Variants in GALNT7 observed in about 807,000 individuals in gnomAD.
GALNT7 encodes the protein polypeptide N-acetylgalactosaminyltransferase 7.
In GALNT7, 60 loss-of-function variants were observed where a neutral mutation model predicts 82.1. That is an observed-to-expected ratio of 0.73 (90% CI 0.59 to 0.91). GALNT7 has a LOEUF of 0.91. GALNT7 is among the 40% of genes least tolerant of loss of function. The pLI is 0.00. For missense variants in GALNT7, 660 were observed against 804.2 expected, an observed-to-expected ratio of 0.82 and a Z score of 2.17; for synonymous variants, 243 against 275.1, an observed-to-expected ratio of 0.88 and a Z score of 1.15.
intron 2 of GALNT7, among the ~76,000 whole-genome samples, chr4:173,282,987 A>G (rs1378652711): frequency 6.6e-6 from 1 of 152,158 alleles, no homozygotes; most frequent in Non-Finnish European, 1.5e-5. Context: ...GAACTAGAAT[A>G]TTGTTCCAGA....
At chr4:173,240,357 ATTTTTTTTTTTTTTTTT>A (rs869162691) in intron 1 of GALNT7, among the ~76,000 whole-genome samples, 1 of 104,142 alleles carries the variant, frequency 9.6e-6, no homozygotes, top group African/African-American at 4.1e-5. Context: ...ACACTGGCTA[ATTTTTTTTTTTTTTTTT>A]TTTTTTTTTT....
intron 1 of GALNT7, 46 bp from the exon 2 acceptor site, chr4:173,247,934 G>A (rs1232741421): frequency 1.6e-6 from 2 of 1,262,424 alleles, no homozygotes; most frequent in East Asian, 2.3e-5. Context: ...CTACTGTGGT[G>A]GTTTGCCTTC....
Position 173,247,963 on chromosome 4 carries a change from C to T in GALNT7, c.127-17C>T, listed in dbSNP as rs1734707189. ...TGCCTTCATGTACTCATTGTATATC[C>T]CCTCCCTTTTGTATAGGAAGACAGA... On this transcript the variant is annotated splice_polypyrimidine_tract_variant and intron_variant, in intron 1 of 11. Transcript: ENST00000265000. 1.9e-6 allele frequency: 3 copies of T among 1,547,202 alleles called. No homozygotes were observed. Among genetic ancestry groups the T allele is most frequent in the Non-Finnish European group, 1.8e-6 (2 of 1,125,256 alleles).
intron 6 of GALNT7, among the ~76,000 whole-genome samples, chr4:173,299,715 G>A (rs186529452): frequency 6.6e-6 from 1 of 152,108 alleles, no homozygotes; most frequent in East Asian, 1.9e-4. Context: ...GCGTGGTGGT[G>A]TGTGCCTGTA....
At chr4:173,219,372 C>T (rs978087293) in intron 1 of GALNT7, among the ~76,000 whole-genome samples, 3 of 152,076 alleles carry the variant, frequency 2.0e-5, no homozygotes, top group East Asian at 1.9e-4. Context: ...ATACATACCA[C>T]GGTTTCTTTA....
intron 1 of GALNT7, among the ~76,000 whole-genome samples, chr4:173,170,133 C>A (rs373597799): frequency 3.9e-5 from 6 of 152,268 alleles, no homozygotes; most frequent in South Asian, 2.1e-4. Flanking sequence ...TGACCTGCTT[C>A]CCCCCGGATG....
In GALNT7 at chr4:173,203,826, TTAAA is replaced by T. The variant is rs140630503; in HGVS notation, c.126+34869_126+34872del. 7.9e-3 allele frequency among the ~76,000 whole-genome samples: 1,205 copies of T among 152,348 alleles called. 12 individuals carry two copies. The highest frequency in any genetic ancestry group is 0.028 in the African/African-American group (1,162 of 41,572). ...CAACAAATTACATTGTAGCTATTAT[TTAAA>T]TAATTTATATTTTAACCTTCATACT... On this transcript the variant is annotated intron_variant, in intron 1 of 11. Coordinates refer to ENST00000265000, the MANE Select transcript of GALNT7 (RefSeq NM_017423.3).
rs1303481179 is a variant in GALNT7 at position 173,175,405 on chromosome 4, C to T, written c.126+6444C>T. Among the ~76,000 whole-genome samples the T allele has an allele frequency of 3.9e-5, 6 of 152,268 alleles. No individual in the cohort carries two copies. The South Asian group carries it at 1.2e-3, about 32-fold the overall frequency. Reference sequence around the variant, plus strand: ...GGTATAGAGAGGTGAACTCTTTGTCCAAGTTTATTCACTTAATTAATTGTA... The same window carrying T: ...GGTATAGAGAGGTGAACTCTTTGTCTAAGTTTATTCACTTAATTAATTGTA... On this transcript the variant is annotated intron_variant, in intron 1 of 11. Transcript: ENST00000265000.
chr4:173,198,481 T>C (rs1732848868), intron 1 of GALNT7, among the ~76,000 whole-genome samples: 2 of 152,148 alleles, frequency 1.3e-5, no homozygotes, highest in Non-Finnish European at 2.9e-5. Flanking sequence ...AGAGTGTCCT[T>C]CTGTGAGGAG....
At chr4:173,181,111 G>T (rs757009475) in intron 1 of GALNT7, among the ~76,000 whole-genome samples, 15 of 152,176 alleles carry the variant, frequency 9.9e-5, no homozygotes, top group Non-Finnish European at 1.9e-4. Context: ...TAATGGAATA[G>T]AAATGACTGA....
chr4:173,180,826 T>C (rs965052656), intron 1 of GALNT7, among the ~76,000 whole-genome samples: 2 of 152,242 alleles, frequency 1.3e-5, no homozygotes, highest in African/African-American at 4.8e-5. Flanking sequence ...TGCCATGCAA[T>C]TTTTATTAGA....
chr4:173,234,292 T>C (rs1403924979), intron 1 of GALNT7, among the ~76,000 whole-genome samples: 1 of 152,234 alleles, frequency 6.6e-6, no homozygotes, highest in Admixed American at 6.5e-5. Flanking sequence ...TCACTCGTCT[T>C]ATTGGCTCTT....
chr4:173,174,474 TC>T (rs1449738826), intron 1 of GALNT7, among the ~76,000 whole-genome samples: 1 of 152,256 alleles, frequency 6.6e-6, no homozygotes, highest in African/African-American at 2.4e-5. Context: ...CATTTATGTC[TC>T]CCACATAGGT....
At chr4:173,180,820 A>G (rs1469308320) in intron 1 of GALNT7, among the ~76,000 whole-genome samples, 1 of 152,240 alleles carries the variant, frequency 6.6e-6, no homozygotes, top group African/African-American at 2.4e-5. Flanking sequence ...GTATTTTGCC[A>G]TGCAATTTTT....
intron 4 of GALNT7, 96 bp from the exon 5 acceptor site, chr4:173,295,668 A>G (rs1404109957): frequency 8.9e-7 from 1 of 1,119,844 alleles, no homozygotes; most frequent in Non-Finnish European, 1.4e-6. Flanking sequence ...AATTGACTAT[A>G]ATGCTAATTT....
rs544634148 is a variant in GALNT7 at position 173,169,880 on chromosome 4, G to C, written c.126+919G>C. 8.6e-5 allele frequency among the ~76,000 whole-genome samples: 13 copies of C among 152,022 alleles called. No individual in the cohort carries two copies. The South Asian group carries it at 2.5e-3, about 29-fold the overall frequency. Reference sequence around the variant, plus strand: ...GCCCGGCCGCCCCGCGCCGGCTGCCGGCTAGCTCAGGCCGACGCCGAGGGG... The same window carrying C: ...GCCCGGCCGCCCCGCGCCGGCTGCCCGCTAGCTCAGGCCGACGCCGAGGGG... On this transcript the variant is annotated intron_variant, in intron 1 of 11. Transcript: ENST00000265000.
intron 1 of GALNT7, among the ~76,000 whole-genome samples, chr4:173,173,474 C>T (rs1271277447): frequency 1.3e-5 from 2 of 152,128 alleles, no homozygotes; most frequent in Non-Finnish European, 2.9e-5. Context: ...AAACAGCAGT[C>T]CCCCACCTTT....
At position 173,297,588 on chromosome 4, in the gene GALNT7, T is replaced by G. The variant is rs188006787; in HGVS notation, c.966-527T>G. ...GTTCTTTGTCCCTGACATTTGTCTG[T>G]AAGCCTAGGGGGAAGTCTCCTCTCT... is the stretch of plus-strand genomic sequence containing the variant. On this transcript the variant is annotated intron_variant, in intron 5 of 11. Coordinates refer to ENST00000265000, the MANE Select transcript of GALNT7 (RefSeq NM_017423.3). 2.6e-5 allele frequency among the ~76,000 whole-genome samples: 4 copies of G among 151,926 alleles called. No individual in the cohort carries two copies. The East Asian group carries it at 5.8e-4, about 22-fold the overall frequency.
At chr4:173,225,382 G>A (rs779708302) in intron 1 of GALNT7, among the ~76,000 whole-genome samples, 2 of 152,134 alleles carry the variant, frequency 1.3e-5, no homozygotes, top group African/African-American at 4.8e-5. Flanking sequence ...GCAGGAAGAT[G>A]GTATAGGGAG....
Sources: allele counts gnomAD v4.1 joint callset (sites outside exome capture counted in the v4.1 genomes callset), GRCh38; gene constraint gnomAD v4.1.1; transcripts MANE v1.5; gene names NCBI Gene and HGNC (gene_info 2026-07-23, HGNC 2026-07-21).